The following BPI variants were observed in gnomAD, a reference collection of about 807,000 sequenced individuals.
BPI encodes the protein bactericidal permeability increasing protein.
A neutral mutation model predicts 57.6 loss-of-function variants in BPI; 48 were observed. The observed-to-expected ratio is 0.83, with a 90% CI of 0.66 to 1.06. The LOEUF (loss-of-function observed/expected upper bound fraction) is 1.06, where lower values mean the gene tolerates loss of function less well. Among genes scored for constraint, BPI ranks in the 50% least tolerant of loss-of-function variants. The probability of loss-of-function intolerance (pLI) is 0.00; values close to 1 mark genes in which losing one functional copy is unlikely to be tolerated. For missense variants in BPI, 651 were observed against 609.7 expected (o/e 1.07, Z -0.71); for synonymous variants, 237 against 238.2 (o/e 0.99, Z 0.05).
chr20:38,322,385 A>G (rs2076690999), intron 7 of BPI, among the ~76,000 whole-genome samples: 1 of 152,260 alleles, frequency 6.6e-6, no homozygotes, highest in Non-Finnish European at 1.5e-5. Context: ...AGTGAATAAG[A>G]AAGGTCTTGT....
chr20:38,327,554 C>G (rs1186722857), intron 10 of BPI, 34 bp from the exon 11 acceptor site: 2 of 1,610,812 alleles, frequency 1.2e-6, no homozygotes, highest in Admixed American at 3.3e-5. Context: ...GTGCCTGGGT[C>G]AGGGCACTTC....
intron 1 of BPI, among the ~76,000 whole-genome samples, chr20:38,307,291 G>A (rs6014655): frequency 7.9e-5 from 12 of 152,156 alleles, no homozygotes; most frequent in Non-Finnish European, 1.5e-4. Flanking sequence ...AGTGTTATTG[G>A]AATACAGGCA....
chr20:38,335,141 G>A lies in BPI; in HGVS notation c.1337-457G>A, dbSNP rs544225329. Among the ~76,000 whole-genome samples, 62 of 152,268 alleles carry A rather than the reference G, an allele frequency of 4.1e-4. 1 individual carries two copies. The South Asian group carries it at 5.6e-3, about 14-fold the overall frequency. The stretch of plus-strand genomic sequence containing the variant: ...GCTTTGTAATGACCTGGGAGGCCAC[G>A]TTCTAATTTAGAGTTCTCCAAAGTT... On this transcript the variant is annotated intron_variant, in intron 13 of 14. Transcript: ENST00000642449.
chr20:38,324,176 A>G, intron 8 of BPI, 130 bp downstream of exon 8: 1 of 1,146,386 alleles, frequency 8.7e-7, no homozygotes, highest in Non-Finnish European at 1.2e-6. Context: ...AGTCAGCTAG[A>G]GCTGAGTTCC....
At chr20:38,305,674 A>G (rs1367903005) in intron 1 of BPI, among the ~76,000 whole-genome samples, 1 of 152,146 alleles carries the variant, frequency 6.6e-6, no homozygotes, top group South Asian at 2.1e-4. Context: ...CTGGGTTCAA[A>G]TTCTGCCCCT....
rs184856239 is a variant in BPI at position 38,310,478 on chromosome 20, T to C, written c.375-13T>C. The C allele has an allele frequency of 8.7e-6, 14 of 1,610,768 alleles. No homozygotes were observed. In the East Asian group the frequency reaches 2.2e-4, roughly 26 times the overall value. On this transcript the variant is annotated splice_polypyrimidine_tract_variant and intron_variant, in intron 3 of 14. Coordinates refer to ENST00000642449, the MANE Select transcript of BPI (RefSeq NM_001725.3). ...AAAGGACTTGTCCCACATTCCTCTT[T>C]GTTCTTCTTCAGAAAAATGAGCGGC...
intron 11 of BPI, 27 bp from the exon 12 acceptor site, chr20:38,331,021 C>T: frequency 6.2e-7 from 1 of 1,613,346 alleles, no homozygotes; most frequent in Non-Finnish European, 8.5e-7. Flanking sequence ...AATTGGTGGT[C>T]TCAGTCCCCT....
In BPI at chr20:38,318,435, C is replaced by T. The variant is rs372552649; in HGVS notation, c.623C>T (p.Ser208Phe). ...CAGGTCTGCGAGAAAGTGACCAATT[C>T]TGTATCCTCCGAGCTGCAACCTTAT... ...NSQVCEKVTN[S>F]VSSELQPYFQ... The change falls in exon 6 of 15, where the codon TCT becomes TTT. Residue 208 changes from serine (S) to phenylalanine (F), a missense_variant. Physicochemically the swap from Ser to Phe is radical, Grantham distance 155 (BLOSUM62 -2). Coordinates refer to ENST00000642449, the MANE Select transcript of BPI (RefSeq NM_001725.3). The T allele has an allele frequency of 3.1e-6, 5 of 1,613,780 alleles. No homozygotes were observed. The African/African-American group carries it at 5.3e-5, about 17-fold the overall frequency.
At chr20:38,308,413 G>A (rs139117932) in intron 2 of BPI, among the ~76,000 whole-genome samples, 80 of 152,332 alleles carry the variant, frequency 5.3e-4, no homozygotes, top group African/African-American at 1.7e-3. Flanking sequence ...GAAGGGGGCT[G>A]TGCACTGGGC....
intron 5 of BPI, among the ~76,000 whole-genome samples, chr20:38,316,594 T>C (rs1365488268): frequency 6.6e-6 from 1 of 152,102 alleles, no homozygotes; most frequent in African/African-American, 2.4e-5. Context: ...GGCAGCGCAG[T>C]GAGGAGGTCG....
At position 38,324,044 on chromosome 20, in the gene BPI, A is replaced by G. The variant is rs775675680; in HGVS notation, c.931A>G (p.Met311Val). 3 of 1,613,516 alleles carry G rather than the reference A, an allele frequency of 1.9e-6. No homozygotes were observed. Among genetic ancestry groups the G allele is most frequent in the East Asian group, 4.5e-5 (2 of 44,888 alleles). The change falls in exon 8 of 15, where the codon ATG becomes GTG. Residue 311 changes from methionine (M) to valine (V), a missense_variant and splice_region_variant. Met to Val is a conservative substitution (Grantham distance 21). Coordinates refer to ENST00000642449, the MANE Select transcript of BPI (RefSeq NM_001725.3). ...CTTGAAGATGACCCTTAGAGATGAC[A>G]TGGTAAGGCCGGGCTCTGGGTGGGT... The part of the protein sequence containing the change: ...GVLKMTLRDD[M>V]IPKESKFRLT...
chr20:38,323,881 C>T lies in BPI; in HGVS notation c.768C>T (p.Tyr256=), dbSNP rs986550648. Residue 256 remains tyrosine, a synonymous_variant, in exon 8 of 15, where the codon TAC becomes TAT. Coordinates refer to ENST00000642449, the MANE Select transcript of BPI (RefSeq NM_001725.3). The part of the protein sequence containing the change: ...TLDVQMKGEF[Y]SENHHNPPPF... Reference sequence around the variant, plus strand: ...GCCTCTACCCCCAGGGGGAGTTTTACAGTGAGAACCACCACAATCCACCTC... The same window carrying T: ...GCCTCTACCCCCAGGGGGAGTTTTATAGTGAGAACCACCACAATCCACCTC... 3.7e-5 allele frequency: 60 copies of T among 1,613,888 alleles called. No individual in the cohort carries two copies. Among genetic ancestry groups the T allele is most frequent in the Non-Finnish European group, 5.0e-5 (59 of 1,179,950 alleles).
chr20:38,320,320 G>T, intron 7 of BPI, 46 bp downstream of exon 7: 2 of 1,558,406 alleles, frequency 1.3e-6, no homozygotes. Context: ...CTCTGTCTCA[G>T]ACACTCCAGG....
chr20:38,316,019 A>C (rs1216671657), intron 5 of BPI, among the ~76,000 whole-genome samples: 1 of 151,820 alleles, frequency 6.6e-6, no homozygotes, highest in East Asian at 1.9e-4. Context: ...TTTTTGATAG[A>C]GACAGGAATT....
At position 38,320,243 on chromosome 20, in the gene BPI, C is replaced by A. The variant is rs1359089028; in HGVS notation, c.725C>A (p.Thr242Asn). The A allele has an allele frequency of 6.2e-7, 1 of 1,614,084 alleles. No individual in the cohort carries two copies. The highest frequency in any genetic ancestry group is 1.7e-5 in the Admixed American group (1 of 60,026). The change falls in exon 7 of 15, where the codon ACC becomes AAC. Residue 242 changes from threonine to asparagine, a missense_variant. Transcript: ENST00000642449. ...INYGLVAPPA[T>N]TAETLDVQMK... The stretch of plus-strand genomic sequence containing the variant: ...TATGGTCTGGTGGCACCTCCAGCAA[C>A]CACGGCTGAGACCCTGGATGTACAG...
At chr20:38,309,523 G>A (rs1374678788) in intron 3 of BPI, among the ~76,000 whole-genome samples, 1 of 152,136 alleles carries the variant, frequency 6.6e-6, no homozygotes, top group African/African-American at 2.4e-5. Flanking sequence ...CATATTCTTG[G>A]TGATAGCAGA....
chr20:38,328,139 TC>T (rs1295314048), intron 11 of BPI, among the ~76,000 whole-genome samples: 3 of 152,072 alleles, frequency 2.0e-5, no homozygotes, highest in Non-Finnish European at 2.9e-5. Flanking sequence ...CTGATTTGAG[TC>T]CCAGCAAGGG....
At chr20:38,330,846 G>A (rs747722236) in intron 11 of BPI, among the ~76,000 whole-genome samples, 1 of 152,184 alleles carries the variant, frequency 6.6e-6, no homozygotes, top group Non-Finnish European at 1.5e-5. Flanking sequence ...AGCTCAGTGT[G>A]GGGTCAACGG....
At chr20:38,335,510 G>A in intron 13 of BPI, 88 bp from the exon 14 acceptor site, 1 of 1,209,326 alleles carries the variant, frequency 8.3e-7, no homozygotes, top group Admixed American at 1.7e-5. Flanking sequence ...GGTTCAGGGA[G>A]GCTGTCTACC....
Sources: allele counts gnomAD v4.1 joint callset (sites outside exome capture counted in the v4.1 genomes callset), GRCh38; gene constraint gnomAD v4.1.1; transcripts MANE v1.5; gene names NCBI Gene and HGNC (gene_info 2026-07-23, HGNC 2026-07-21).